Variants in SLC29A2 observed in about 807,000 individuals in gnomAD.
The protein encoded by SLC29A2 is solute carrier family 29 member 2.
SLC29A2 carries 37 observed loss-of-function variants against 48.8 expected under a neutral mutation model. That is an observed-to-expected ratio of 0.76 (90% CI 0.58 to 1.00). SLC29A2 has a LOEUF of 1.00. SLC29A2 is among the 50% of genes least tolerant of loss of function. The pLI, the probability that SLC29A2 is intolerant of heterozygous loss-of-function variation, is 0.00. For missense variants in SLC29A2, 533 were observed against 578.6 expected, an observed-to-expected ratio of 0.92 and a Z score of 0.81; for synonymous variants, 233 against 261.7, an observed-to-expected ratio of 0.89 and a Z score of 1.06.
intron 5 of SLC29A2, 37 bp from the exon 6 acceptor site, chr11:66,367,906 G>T: frequency 6.4e-7 from 1 of 1,564,344 alleles, no homozygotes; most frequent in Non-Finnish European, 8.8e-7. Flanking sequence ...AGAGGCACCT[G>T]GTCCCGCCGG....
chr11:66,366,238 G>A lies in SLC29A2; in HGVS notation c.868-7C>T, dbSNP rs1855684475. ...ACAGCGCTGTCAGCCAGATCTGGGA[G>A]CCAGAGGCAGGGGTGTGAGCAGGCA... On this transcript the variant is annotated splice_polypyrimidine_tract_variant and splice_region_variant and intron_variant, in intron 8 of 11. Coordinates refer to ENST00000357440, the MANE Select transcript of SLC29A2 (RefSeq NM_001532.3). 6.2e-7 allele frequency: 1 copy of A among 1,612,922 alleles called. No homozygotes were observed. Among genetic ancestry groups the A allele is most frequent in the African/African-American group, 1.3e-5 (1 of 74,904 alleles).
Position 66,369,066 on chromosome 11 carries a change from T to C in SLC29A2, c.409A>G (p.Ile137Val). Reference protein sequence around the residue: ...FSITMASVCFINSFSAVLQGS... With the variant: ...FSITMASVCFVNSFSAVLQGS... ...AGGGGGTGGAGGTGCTCACAGTTGA[T>C]GAAGCAGACGGAGGCCATGGTGATG... The change falls in exon 4 of 12, where the codon ATC (isoleucine) becomes GTC (valine). Residue 137 changes from isoleucine to valine, a missense_variant. Physicochemically the swap from Ile to Val is conservative, Grantham distance 29 (BLOSUM62 3). Coordinates refer to ENST00000357440, the MANE Select transcript of SLC29A2 (RefSeq NM_001532.3). 1 of 1,600,418 alleles carries C rather than the reference T, an allele frequency of 6.2e-7. No individual in the cohort carries two copies. Among genetic ancestry groups the C allele is most frequent in the South Asian group, 1.1e-5 (1 of 88,316 alleles).
At chr11:66,370,119 T>TCA (rs1160970308) in intron 2 of SLC29A2, among the ~76,000 whole-genome samples, 1 of 152,262 alleles carries the variant, frequency 6.6e-6, no homozygotes, top group Non-Finnish European at 1.5e-5. Context: ...AACAGGCTGA[T>TCA]CGTCTCTTGC....
At chr11:66,367,645 G>T in intron 6 of SLC29A2, 97 bp from the exon 7 acceptor site, 2 of 1,487,058 alleles carry the variant, frequency 1.3e-6, no homozygotes, top group Non-Finnish European at 1.9e-6. Flanking sequence ...GCCCCTCAGT[G>T]TCTTCTCTGG....
At position 66,365,976 on chromosome 11, in the gene SLC29A2, A is replaced by G. The variant is rs1169474157; in HGVS notation, c.1019T>C (p.Met340Thr). The change falls in exon 10 of 12, where the codon ATG becomes ACG. Residue 340 changes from methionine to threonine, a missense_variant. Transcript: ENST00000357440. ...PICCFLLFNI[M>T]DWLGRSLTSY... is the part of the protein sequence containing the mutation. ...GGTCAGGCTCCGTCCCAGCCAGTCCATGATGTTGAAGAGGAGGAAGCAGCA... is the reference window on the plus strand; with the variant it reads ...GGTCAGGCTCCGTCCCAGCCAGTCCGTGATGTTGAAGAGGAGGAAGCAGCA... The G allele has an allele frequency of 6.2e-7, 1 of 1,614,200 alleles. No individual in the cohort carries two copies. The highest frequency in any genetic ancestry group is 8.5e-7 in the Non-Finnish European group (1 of 1,180,022).
intron 10 of SLC29A2, among the ~76,000 whole-genome samples, chr11:66,365,419 G>A (rs531279308): frequency 3.1e-4 from 47 of 152,314 alleles, no homozygotes; most frequent in East Asian, 7.7e-4. Flanking sequence ...GCTCTCCACC[G>A]CATCTACAGT....
intron 11 of SLC29A2, 186 bp from the exon 12 acceptor site, chr11:66,363,733 G>T: frequency 1.6e-6 from 1 of 627,292 alleles, no homozygotes. Context: ...TGTCTCTCAG[G>T]GCCTCTGAGT....
chr11:66,370,641 A>G (rs1315470995), intron 2 of SLC29A2, among the ~76,000 whole-genome samples: 2 of 152,132 alleles, frequency 1.3e-5, no homozygotes, highest in African/African-American at 2.4e-5. Flanking sequence ...GAGGATCACG[A>G]GGTCAGGAGA....
rs901764737 is a variant in SLC29A2, at chr11:66,368,798, C to T, written c.416-127G>A. The T allele has an allele frequency of 1.5e-5, 19 of 1,290,458 alleles. No homozygotes were observed. The African/African-American group carries it at 2.8e-4, about 19-fold the overall frequency. The allele number at this position is 1,290,458 out of a possible 1,614,324, so 79.9% of individuals were successfully genotyped here. On this transcript the variant is annotated intron_variant, in intron 4 of 11. Coordinates refer to ENST00000357440, the MANE Select transcript of SLC29A2 (RefSeq NM_001532.3). ...GCGCAGGTGTGAGCTTCCCTAGGGA[C>T]TCTGAGCACTCGGGGGCAACACCCG...
intron 2 of SLC29A2, among the ~76,000 whole-genome samples, chr11:66,370,556 A>G (rs1371878340): frequency 6.6e-6 from 1 of 152,188 alleles, no homozygotes; most frequent in Non-Finnish European, 1.5e-5. Context: ...GTAGATGCAC[A>G]TTAAAAGTTT....
chr11:66,366,596 C>T (rs1162722755), intron 7 of SLC29A2, 32 bp from the exon 8 acceptor site: 1 of 1,608,184 alleles, frequency 6.2e-7, no homozygotes, highest in South Asian at 1.1e-5. Flanking sequence ...AAGGGTCATG[C>T]TTGTGACCCA....
At chr11:66,365,630 C>T (rs1291800956) in intron 10 of SLC29A2, among the ~76,000 whole-genome samples, 2 of 152,224 alleles carry the variant, frequency 1.3e-5, no homozygotes, top group African/African-American at 4.8e-5. Flanking sequence ...TAAAACCAAC[C>T]CCAAAACTAA....
At chr11:66,363,699 G>A (rs1855499895) in intron 11 of SLC29A2, 152 bp from the exon 12 acceptor site, 4 of 686,896 alleles carry the variant, frequency 5.8e-6, no homozygotes, top group East Asian at 2.8e-5. Flanking sequence ...TTCCTGGTCT[G>A]TAAATGAGGC....
chr11:66,365,532 T>C (rs1855636045), intron 10 of SLC29A2, among the ~76,000 whole-genome samples: 1 of 152,234 alleles, frequency 6.6e-6, no homozygotes, highest in Non-Finnish European at 1.5e-5. Flanking sequence ...TCAGCTCCTG[T>C]CCTGACTTGG....
chr11:66,371,363 C>A (rs757300186), intron 1 of SLC29A2, 38 bp from the exon 2 acceptor site: 7 of 1,601,350 alleles, frequency 4.4e-6, no homozygotes, highest in Non-Finnish European at 6.0e-6. Flanking sequence ...CGAGGACGCA[C>A]CCGCCTCCGC....
chr11:66,367,468 C>T lies in SLC29A2; in HGVS notation c.729G>A (p.Gln243=), dbSNP rs772157472. 8 of 1,613,914 alleles carry T rather than the reference C, an allele frequency of 5.0e-6. No homozygotes were observed. Among genetic ancestry groups the T allele is most frequent in the Non-Finnish European group, 6.8e-6 (8 of 1,179,892 alleles). The change falls in exon 7 of 12, where the codon CAG becomes CAA. Residue 243 remains glutamine (Q), a synonymous_variant. Coordinates refer to ENST00000357440, the MANE Select transcript of SLC29A2 (RefSeq NM_001532.3). ...CAGGAGGGTCTCAGGGCTTACCAGA[C>T]TGGAGGAGCTCAGCTTTGGTCTCCA... ...QELETKAELL[Q]SDENGIPSSP...
upstream of SLC29A2, chr11:66,371,838 C>T (rs1856066096): frequency 5.4e-6 from 3 of 554,258 alleles, no homozygotes; most frequent in South Asian, 6.7e-5. Flanking sequence ...CCTTCCCCCA[C>T]CCGCCTCAGG....
At chr11:66,369,232 G>A in intron 3 of SLC29A2, 33 bp from the exon 4 acceptor site, 1 of 1,579,754 alleles carries the variant, frequency 6.3e-7, no homozygotes, top group East Asian at 2.3e-5. Context: ...CATCAGTGGG[G>A]CCCAGGCCAG....
At chr11:66,368,153 C>T (rs1187657025) in intron 5 of SLC29A2, among the ~76,000 whole-genome samples, 2 of 152,208 alleles carry the variant, frequency 1.3e-5, no homozygotes, top group Admixed American at 6.5e-5. Context: ...ATACCAATCA[C>T]GTCGGTGGGG....
Sources: gnomAD v4.1 joint callset for allele counts (sites outside exome capture counted in the v4.1 genomes callset) on GRCh38, gnomAD v4.1.1 for gene constraint, MANE v1.5 for transcripts, NCBI Gene and HGNC (gene_info 2026-07-23, HGNC 2026-07-21) for gene names.